The following INO80C variants were observed in gnomAD, a reference collection of about 807,000 sequenced individuals.
The protein encoded by INO80C is INO80 complex subunit C, also known as IES6 homolog.
In INO80C, 17 loss-of-function variants were observed where a neutral mutation model predicts 17.7. That is an observed-to-expected ratio of 0.96 (90% CI 0.66 to 1.44). INO80C has a LOEUF of 1.44. Ranked by LOEUF, INO80C falls within the 40% of genes most tolerant of loss-of-function variation. INO80C has a pLI of 0.00. For missense variants in INO80C, 244 were observed against 245.0 expected (o/e 1.00, Z 0.03); for synonymous variants, 96 against 95.8 (o/e 1.00, Z -0.01).
At chr18:35,491,160 G>A (rs1021849050) in intron 1 of INO80C, among the ~76,000 whole-genome samples, 1 of 152,182 alleles carries the variant, frequency 6.6e-6, no homozygotes, top group Non-Finnish European at 1.5e-5. Flanking sequence ...CAATACAGGG[G>A]GATTCTTCTG....
intron 1 of INO80C, among the ~76,000 whole-genome samples, chr18:35,496,421 T>C (rs1219556923): frequency 6.6e-6 from 1 of 152,162 alleles, no homozygotes; most frequent in East Asian, 1.9e-4. Context: ...TTGTGAAGGG[T>C]GGCTGAACAG....
chr18:35,488,529 G>A (rs1256188075), intron 1 of INO80C, among the ~76,000 whole-genome samples: 2 of 152,192 alleles, frequency 1.3e-5, no homozygotes, highest in African/African-American at 4.8e-5. Context: ...GGAACACAGG[G>A]CACCAAGTTC....
At chr18:35,480,179 G>A (rs2045789333) in intron 2 of INO80C, among the ~76,000 whole-genome samples, 1 of 152,106 alleles carries the variant, frequency 6.6e-6, no homozygotes, top group Non-Finnish European at 1.5e-5. Context: ...CCAATGAAAA[G>A]GTTAGGGGAA....
chr18:35,481,112 G>A (rs2045802322), intron 1 of INO80C, among the ~76,000 whole-genome samples: 1 of 152,188 alleles, frequency 6.6e-6, no homozygotes, highest in Non-Finnish European at 1.5e-5. Context: ...AACCCAGACT[G>A]GAGCTGGTAT....
intron 1 of INO80C, among the ~76,000 whole-genome samples, chr18:35,484,099 G>T (rs1426842398): frequency 6.6e-6 from 1 of 152,114 alleles, no homozygotes; most frequent in Non-Finnish European, 1.5e-5. Flanking sequence ...GTAATCCAAG[G>T]TTAAAGGCCA....
chr18:35,478,353 G>T lies in INO80C; in HGVS notation c.380-4C>A. ...GGAGGAGCATCAATACTGAAGTCTG[G>T]GAAAAAAAAAAAAAAAAGATAACTA... On this transcript the variant is annotated splice_region_variant and splice_polypyrimidine_tract_variant and intron_variant, in intron 3 of 4. Coordinates refer to ENST00000334598, the MANE Select transcript of INO80C (RefSeq NM_194281.4). The T allele has an allele frequency of 6.5e-7, 1 of 1,527,080 alleles. No individual in the cohort carries two copies. The highest frequency in any genetic ancestry group is 8.8e-7 in the Non-Finnish European group (1 of 1,134,648). 94.6% of individuals were successfully genotyped at this position (1,527,080 alleles called of 1,614,324 possible).
intron 1 of INO80C, among the ~76,000 whole-genome samples, chr18:35,484,898 TCA>T (rs1330813379): frequency 6.6e-6 from 1 of 152,216 alleles, no homozygotes; most frequent in African/African-American, 2.4e-5. Flanking sequence ...AGCACTTGTG[TCA>T]GTTTATTCAG....
intron 1 of INO80C, among the ~76,000 whole-genome samples, chr18:35,489,667 T>C (rs1414617884): frequency 6.6e-6 from 1 of 152,188 alleles, no homozygotes; most frequent in Non-Finnish European, 1.5e-5. Context: ...ACTAAAAAGA[T>C]ATGACAACTA....
intron 3 of INO80C, 26 bp from the exon 4 acceptor site, chr18:35,478,375 A>G: frequency 6.9e-7 from 1 of 1,445,812 alleles, no homozygotes; most frequent in Non-Finnish European, 9.5e-7. Context: ...AAAAAAGATA[A>G]CTAAACTGAA....
At chr18:35,486,364 T>G (rs994760943) in intron 1 of INO80C, among the ~76,000 whole-genome samples, 1 of 152,158 alleles carries the variant, frequency 6.6e-6, no homozygotes, top group African/African-American at 2.4e-5. Context: ...AACAGGGGAA[T>G]GGAAAGTGAC....
intron 4 of INO80C, among the ~76,000 whole-genome samples, chr18:35,470,726 A>G (rs2045659993): frequency 6.6e-6 from 1 of 152,194 alleles, no homozygotes; most frequent in South Asian, 2.1e-4. Context: ...TGGCACCAAC[A>G]AAAAGGTTAC....
intron 1 of INO80C, among the ~76,000 whole-genome samples, chr18:35,484,949 T>C (rs753704718): frequency 2.0e-5 from 3 of 152,164 alleles, no homozygotes; most frequent in Admixed American, 6.5e-5. Flanking sequence ...GTGGCTTATA[T>C]GATAGAAATT....
intron 1 of INO80C, among the ~76,000 whole-genome samples, chr18:35,488,371 T>C (rs1244646506): frequency 6.6e-6 from 1 of 152,216 alleles, no homozygotes; most frequent in Admixed American, 6.5e-5. Flanking sequence ...CTCTGAAATG[T>C]AGGTGGAGGT....
At position 35,468,630 on chromosome 18, in the gene INO80C, G is replaced by A; in HGVS notation, c.560C>T (p.Ala187Val). The change falls in exon 5 of 5, where the codon GCC (alanine) becomes GTC (valine). Residue 187 changes from alanine (A) to valine (V), a missense_variant. By Grantham distance (64) the Ala-to-Val change is moderately conservative. Transcript: ENST00000334598. Reference protein sequence around the residue: ...VVTGYLALRKATSIVP With the variant: ...VVTGYLALRKVTSIVP ...TGGGGCTCAGGGAACGATGCTCGTG[G>A]CCTTCCTCAGGGCCAGGTAGCCGGT... 6.2e-7 allele frequency: 1 copy of A among 1,614,082 alleles called. No individual in the cohort carries two copies. Among genetic ancestry groups the A allele is most frequent in the Non-Finnish European group, 8.5e-7 (1 of 1,180,018 alleles).
chr18:35,485,064 AC>A (rs1174504436), intron 1 of INO80C, among the ~76,000 whole-genome samples: 3 of 152,066 alleles, frequency 2.0e-5, no homozygotes, highest in Non-Finnish European at 4.4e-5. Context: ...TCTTCTTATA[AC>A]GGCACCAGTC....
intron 1 of INO80C, among the ~76,000 whole-genome samples, chr18:35,494,533 A>G (rs545772139): frequency 6.6e-6 from 1 of 152,348 alleles, no homozygotes; most frequent in Admixed American, 6.5e-5. Context: ...CTGAAAATGG[A>G]AAACGCCATG....
intron 1 of INO80C, among the ~76,000 whole-genome samples, chr18:35,488,219 G>A (rs764599846): frequency 2.0e-5 from 3 of 152,168 alleles, no homozygotes; most frequent in Non-Finnish European, 4.4e-5. Context: ...TCACAGCTCC[G>A]CTAGGCAGTT....
chr18:35,471,635 G>C (rs2045671174), intron 4 of INO80C, among the ~76,000 whole-genome samples: 1 of 151,586 alleles, frequency 6.6e-6, no homozygotes, highest in Admixed American at 6.6e-5. Context: ...TAAAGTTTTA[G>C]GGTACATGTG....
chr18:35,486,110 T>C (rs1484389765), intron 1 of INO80C, among the ~76,000 whole-genome samples: 1 of 152,104 alleles, frequency 6.6e-6, no homozygotes, highest in Non-Finnish European at 1.5e-5. Flanking sequence ...AGTGAGCCCC[T>C]GTCTCTAAAA....
Sources: gnomAD v4.1 joint callset for allele counts (sites outside exome capture counted in the v4.1 genomes callset) on GRCh38, gnomAD v4.1.1 for gene constraint, MANE v1.5 for transcripts, NCBI Gene and HGNC (gene_info 2026-07-23, HGNC 2026-07-21) for gene names.